NOPCHAP1: variants seen among roughly 807,000 people sequenced by gnomAD.
The protein encoded by NOPCHAP1 is DNA damage-sensitive RNA 1.
In NOPCHAP1, 13 loss-of-function variants were observed where a neutral mutation model predicts 14.0. The ratio of observed to expected loss-of-function variants is 0.93; its 90% confidence interval spans 0.60 to 1.47. The LOEUF is 1.47. Ranked by LOEUF, NOPCHAP1 falls within the 40% of genes most tolerant of loss-of-function variation. The pLI is 0.00. For synonymous variants in NOPCHAP1, 78 were observed against 78.4 expected, an observed-to-expected ratio of 1.00 and a Z score of 0.03; for missense variants, 230 against 226.9, an observed-to-expected ratio of 1.01 and a Z score of -0.09.
At position 105,001,088 on chromosome 12, in the gene NOPCHAP1, G is replaced by C. The variant is rs1007412075; in HGVS notation, c.*6392G>C. On this transcript the variant is annotated 3_prime_UTR_variant, in exon 4 of 4. Transcript: ENST00000552951. ...CTTTTGAGCTTTCCAGAAGATTAAG[G>C]GTGTTAGGGATGATGGTAATACCAT... The C allele has an allele frequency of 3.3e-5, 5 of 151,870 alleles. No individual in the cohort carries two copies. The highest frequency in any genetic ancestry group is 9.7e-5 in the African/African-American group (4 of 41,348). 9.4% of individuals were successfully genotyped at this position (151,870 alleles called of 1,614,324 possible).
intron 3 of NOPCHAP1, among the ~76,000 whole-genome samples, chr12:104,992,892 C>T (rs184771647): frequency 5.9e-5 from 9 of 152,286 alleles, no homozygotes; most frequent in Admixed American, 5.2e-4. Context: ...TTCCACAAAA[C>T]TGGTCCCTGG....
intron 3 of NOPCHAP1, among the ~76,000 whole-genome samples, chr12:104,993,808 A>G (rs979510230): frequency 6.6e-6 from 1 of 152,188 alleles, no homozygotes. Context: ...CTCTGCCTGA[A>G]AATGTAAATT....
rs940526002 is a variant in NOPCHAP1, at chr12:105,002,264, T to G, written c.*7568T>G. The G allele has an allele frequency of 6.6e-6, 1 of 152,210 alleles. No homozygotes were observed. Among genetic ancestry groups the G allele is most frequent in the African/African-American group, 2.4e-5 (1 of 41,458 alleles). The allele number at this position is 152,210 out of a possible 1,614,324, so 9.4% of individuals were successfully genotyped here. A position where few individuals can be genotyped will look rare whatever the true frequency, so the allele number is the denominator to read the frequency against. Reference sequence around the variant, plus strand: ...AGAGAGACATGAGCTTTTCGACCTTTAGTCTTTTACTTACTCTATTCTCTC... The same window carrying G: ...AGAGAGACATGAGCTTTTCGACCTTGAGTCTTTTACTTACTCTATTCTCTC... On this transcript the variant is annotated 3_prime_UTR_variant, in exon 4 of 4. Coordinates refer to ENST00000552951, the MANE Select transcript of NOPCHAP1 (RefSeq NM_152318.3).
chr12:105,004,151 G>C lies in NOPCHAP1; in HGVS notation c.*9455G>C, dbSNP rs1224410879. ...TATAGCATTTGGATGTCTTCCCAGG[G>C]TAGAATGATCTTTATTCTCTTCTAT... On this transcript the variant is annotated 3_prime_UTR_variant, in exon 4 of 4. Transcript: ENST00000552951. 6.6e-6 allele frequency: 1 copy of C among 152,156 alleles called. No individual in the cohort carries two copies. The highest frequency in any genetic ancestry group is 2.4e-5 in the African/African-American group (1 of 41,418). The allele number at this position is 152,156 out of a possible 1,614,324, so 9.4% of individuals were successfully genotyped here. A position where few individuals can be genotyped will look rare whatever the true frequency, so the allele number is the denominator to read the frequency against.
rs1445519318 is a variant in NOPCHAP1, at chr12:105,009,719, A to C, written c.*15023A>C. 6.6e-6 allele frequency: 1 copy of C among 152,200 alleles called. No individual in the cohort carries two copies. The highest frequency in any genetic ancestry group is 2.4e-5 in the African/African-American group (1 of 41,448). The allele number at this position is 152,200 out of a possible 1,614,324, so 9.4% of individuals were successfully genotyped here. On this transcript the variant is annotated 3_prime_UTR_variant, in exon 4 of 4. Coordinates refer to ENST00000552951, the MANE Select transcript of NOPCHAP1 (RefSeq NM_152318.3). ...AGGCCTTTTCTGTATCTATTGAAATAATCATGTGCTTTTTGTCATTGGTTC... is the reference window on the plus strand; with the variant it reads ...AGGCCTTTTCTGTATCTATTGAAATCATCATGTGCTTTTTGTCATTGGTTC...
rs1170711169 is a variant in NOPCHAP1 at position 105,014,617 on chromosome 12, C to T, written c.*19921C>T. 1 of 151,440 alleles carries T rather than the reference C, an allele frequency of 6.6e-6. No individual in the cohort carries two copies. Among genetic ancestry groups the T allele is most frequent in the Non-Finnish European group, 1.5e-5 (1 of 67,926 alleles). The allele number at this position is 151,440 out of a possible 1,614,324, so 9.4% of individuals were successfully genotyped here. Reference sequence around the variant, plus strand: ...CACTGTTGGTGACAGTGCAGTCATACAATGCATGCAGAATTTACTGGTTGG... The same window carrying T: ...CACTGTTGGTGACAGTGCAGTCATATAATGCATGCAGAATTTACTGGTTGG... On this transcript the variant is annotated 3_prime_UTR_variant, in exon 4 of 4. Coordinates refer to ENST00000552951, the MANE Select transcript of NOPCHAP1 (RefSeq NM_152318.3).
At chr12:104,993,411 AG>A (rs1473263069) in intron 3 of NOPCHAP1, among the ~76,000 whole-genome samples, 1 of 152,158 alleles carries the variant, frequency 6.6e-6, no homozygotes, top group Admixed American at 6.5e-5. Flanking sequence ...ACCTGGATCC[AG>A]GTGCTCAGTG....
rs781713189 is a variant in NOPCHAP1 at position 104,994,729 on chromosome 12, A to C, written c.*33A>C. ...AATTATCTGAAAAGAAACAGGTGAC[A>C]TATGTCTGCAAATTCTGTGAAAAAG... On this transcript the variant is annotated 3_prime_UTR_variant, in exon 4 of 4. Transcript: ENST00000552951. 1 of 1,535,480 alleles carries C rather than the reference A, an allele frequency of 6.5e-7. No homozygotes were observed. The highest frequency in any genetic ancestry group is 1.8e-4 in the Middle Eastern group (1 of 5,576).
In NOPCHAP1 at chr12:104,999,035, G is replaced by C. The variant is rs542801546; in HGVS notation, c.*4339G>C. 2.0e-5 allele frequency: 3 copies of C among 153,128 alleles called. No homozygotes were observed. The highest frequency in any genetic ancestry group is 6.5e-5 in the Admixed American group (1 of 15,320). The allele number at this position is 153,128 out of a possible 1,614,324, so 9.5% of individuals were successfully genotyped here. On this transcript the variant is annotated 3_prime_UTR_variant, in exon 4 of 4. Transcript: ENST00000552951. ...CACTGTGCCTAGTTTTGCAGCTGGT[G>C]GCAGTGTTGGTGTCGGAGTGGGGTA...
rs1022703337 is a variant in NOPCHAP1 at position 104,994,370 on chromosome 12, T to G, written c.340-108T>G. ...TCCAAAAAAAACCAAATTCTTATCC[T>G]TTATGTTTCAATATGTTTGCTGAAT... On this transcript the variant is annotated intron_variant, in intron 3 of 3. Transcript: ENST00000552951. 1.9e-5 allele frequency: 21 copies of G among 1,077,814 alleles called. 1 individual carries two copies. The highest frequency in any genetic ancestry group is 3.5e-5 in the Admixed American group (2 of 56,888). The allele number at this position is 1,077,814 out of a possible 1,614,324, so 66.8% of individuals were successfully genotyped here. A position where few individuals can be genotyped will look rare whatever the true frequency, so the allele number is the denominator to read the frequency against.
In NOPCHAP1 at chr12:104,986,461, C is replaced by G. The variant is rs1410711100; in HGVS notation, c.109C>G (p.Arg37Gly). 1 of 1,600,480 alleles carries G rather than the reference C, an allele frequency of 6.2e-7. No individual in the cohort carries two copies. Among genetic ancestry groups the G allele is most frequent in the African/African-American group, 1.3e-5 (1 of 74,486 alleles). Residue 37 changes from arginine to glycine, a missense_variant, in exon 1 of 4, where the codon CGC becomes GGC. Physicochemically the swap from Arg to Gly is moderately radical, Grantham distance 125. Transcript: ENST00000552951. ...KELLTAGSDG[R>G]GGIWDRLLIN... ...GCTGCTGACGGCGGGAAGCGACGGC[C>G]GCGGAGGTGACGGACGGGTGACGGC...
Position 105,015,079 on chromosome 12 carries a change from A to T in NOPCHAP1, c.*20383A>T, listed in dbSNP as rs2136035068. 6.6e-6 allele frequency: 1 copy of T among 152,330 alleles called. No individual in the cohort carries two copies. Among genetic ancestry groups the T allele is most frequent in the Non-Finnish European group, 1.5e-5 (1 of 68,030 alleles). The allele number at this position is 152,330 out of a possible 1,614,324, so 9.4% of individuals were successfully genotyped here. ...GTGATTGCTGTGAAGATAATTATCC[A>T]GGTCCTTTCTGATCTTTCTTATTGG... On this transcript the variant is annotated 3_prime_UTR_variant, in exon 4 of 4. Transcript: ENST00000552951.
rs1187829223 is a variant in NOPCHAP1, at chr12:105,006,020, T to C, written c.*11324T>C. 6.6e-6 allele frequency: 1 copy of C among 152,282 alleles called. No individual in the cohort carries two copies. Among genetic ancestry groups the C allele is most frequent in the Non-Finnish European group, 1.5e-5 (1 of 68,026 alleles). The allele number at this position is 152,282 out of a possible 1,614,324, so 9.4% of individuals were successfully genotyped here. On this transcript the variant is annotated 3_prime_UTR_variant, in exon 4 of 4. Transcript: ENST00000552951. ...TCTTCTGTTAATTCCTCTGGTGTGA[T>C]GTCTGTTAGCTTTTGAATTTCTCCA...
rs750737300 is a variant in NOPCHAP1, at chr12:104,986,473, G to A, written c.115+6G>A. On this transcript the variant is annotated splice_donor_region_variant and intron_variant, in intron 1 of 3. Coordinates refer to ENST00000552951, the MANE Select transcript of NOPCHAP1 (RefSeq NM_152318.3). ...GGGAAGCGACGGCCGCGGAGGTGAC[G>A]GACGGGTGACGGCGGCATGGGCCGC... The A allele has an allele frequency of 2.2e-5, 35 of 1,594,708 alleles. No individual in the cohort carries two copies. The highest frequency in any genetic ancestry group is 3.5e-4 in the Middle Eastern group (2 of 5,780).
rs1430795723 is a variant in NOPCHAP1, at chr12:104,994,650, G to A, written c.512G>A (p.Gly171Asp). ...IKLPNSEGGKGKIEVLDSPAS... is the reference protein window; with the variant it reads ...IKLPNSEGGKDKIEVLDSPAS... The stretch of plus-strand genomic sequence containing the variant: ...CTTCCCAATTCTGAAGGTGGAAAAG[G>A]CAAGATTGAAGTTTTGGACAGTCCA... Residue 171 changes from glycine (G) to aspartate (D), a missense_variant, in exon 4 of 4, where the codon GGC becomes GAC. Transcript: ENST00000552951. 9.9e-6 allele frequency: 16 copies of A among 1,613,540 alleles called. No homozygotes were observed. Among genetic ancestry groups the A allele is most frequent in the African/African-American group, 1.3e-5 (1 of 74,874 alleles).
chr12:105,003,876 T>A lies in NOPCHAP1; in HGVS notation c.*9180T>A, dbSNP rs1193429847. ...TTTGTGCATGGTTTGATAACTTGAC[T>A]GCCTATGACTGGCTGAAGCTCACCT... On this transcript the variant is annotated 3_prime_UTR_variant, in exon 4 of 4. Transcript: ENST00000552951. 6.6e-6 allele frequency: 1 copy of A among 152,242 alleles called. No homozygotes were observed. The highest frequency in any genetic ancestry group is 1.5e-5 in the Non-Finnish European group (1 of 68,044). 9.4% of individuals were successfully genotyped at this position (152,242 alleles called of 1,614,324 possible). A position where few individuals can be genotyped will look rare whatever the true frequency, so the allele number is the denominator to read the frequency against.
At position 104,986,370 on chromosome 12, in the gene NOPCHAP1, G is replaced by C. The variant is rs776314525; in HGVS notation, c.18G>C (p.Lys6Asn). ...AGGGAAGCATGGAGGTCCATGGCAAGCCCAAGGCTAGCCCGAGTTGTTCGT... is the reference window on the plus strand; with the variant it reads ...AGGGAAGCATGGAGGTCCATGGCAACCCCAAGGCTAGCCCGAGTTGTTCGT... MEVHG[K>N]PKASPSCSSP... is the part of the protein sequence containing the mutation. The change falls in exon 1 of 4, where the codon AAG becomes AAC. Residue 6 changes from lysine to asparagine, a missense_variant. Lys to Asn is a moderately conservative substitution (Grantham distance 94, BLOSUM62 0). Transcript: ENST00000552951. 5 of 1,610,260 alleles carry C rather than the reference G, an allele frequency of 3.1e-6. No homozygotes were observed. Among genetic ancestry groups the C allele is most frequent in the African/African-American group, 1.3e-5 (1 of 74,838 alleles).
rs1873959415 is a variant in NOPCHAP1, at chr12:105,016,978, T to A, written c.*22282T>A. On this transcript the variant is annotated 3_prime_UTR_variant, in exon 4 of 4. Coordinates refer to ENST00000552951, the MANE Select transcript of NOPCHAP1 (RefSeq NM_152318.3). ...AGAGCAGTTGCACTCCTAAAATGAGTGAAATGTTCTCTTCAAACTTGTGGC... is the reference window on the plus strand; with the variant it reads ...AGAGCAGTTGCACTCCTAAAATGAGAGAAATGTTCTCTTCAAACTTGTGGC... 6.6e-6 allele frequency: 1 copy of A among 152,132 alleles called. No homozygotes were observed. The highest frequency in any genetic ancestry group is 1.5e-5 in the Non-Finnish European group (1 of 68,016). The allele number at this position is 152,132 out of a possible 1,614,324, so 9.4% of individuals were successfully genotyped here.
At chr12:104,987,411 AG>A (rs1873263994) in intron 1 of NOPCHAP1, among the ~76,000 whole-genome samples, 1 of 152,248 alleles carries the variant, frequency 6.6e-6, no homozygotes, top group Admixed American at 6.5e-5. Context: ...GAATTCAAGT[AG>A]TCTGGCTCCA....
Sources: allele counts gnomAD v4.1 joint callset (sites outside exome capture counted in the v4.1 genomes callset), GRCh38; gene constraint gnomAD v4.1.1; transcripts MANE v1.5; gene names NCBI Gene and HGNC (gene_info 2026-07-23, HGNC 2026-07-21).